GAS7: variants seen among roughly 807,000 people sequenced by gnomAD.
GAS7 encodes growth arrest specific 7.
In GAS7, 28 loss-of-function variants were observed where a neutral mutation model predicts 71.1. The observed-to-expected ratio is 0.39, with a 90% CI of 0.29 to 0.54. The LOEUF (loss-of-function observed/expected upper bound fraction) is 0.54, where lower values mean the gene tolerates loss of function less well. Among genes scored for constraint, GAS7 ranks in the 20% least tolerant of loss-of-function variants. The pLI is 0.62. For missense variants in GAS7, 436 were observed against 627.8 expected, an observed-to-expected ratio of 0.69 and a Z score of 3.27; for synonymous variants, 258 against 245.8, an observed-to-expected ratio of 1.05 and a Z score of -0.46.
chr17:9,932,075 G>A (rs143482685), intron 9 of GAS7, among the ~76,000 whole-genome samples: 1 of 152,238 alleles, frequency 6.6e-6, no homozygotes, highest in African/African-American at 2.4e-5. Flanking sequence ...TTTAAAGAAG[G>A]GAGACTCAGC....
intron 1 of GAS7, among the ~76,000 whole-genome samples, chr17:10,194,097 T>A (rs1226699221): frequency 6.6e-6 from 1 of 152,124 alleles, no homozygotes; most frequent in Non-Finnish European, 1.5e-5. Flanking sequence ...CAGCAGCCAT[T>A]CTAGTTGTGC....
At chr17:10,065,332 T>C (rs1282555839) in intron 1 of GAS7, among the ~76,000 whole-genome samples, 1 of 152,206 alleles carries the variant, frequency 6.6e-6, no homozygotes, top group East Asian at 1.9e-4. Context: ...CTTGGTGTCT[T>C]AAAGCAACAG....
intron 2 of GAS7, among the ~76,000 whole-genome samples, chr17:9,986,883 A>AGCCAG (rs1344532488): frequency 6.6e-6 from 1 of 152,162 alleles, no homozygotes; most frequent in Non-Finnish European, 1.5e-5. Context: ...GATGGTGCTG[A>AGCCAG]GCCAGGCCAG....
chr17:10,009,963 T>A (rs2071703004), intron 2 of GAS7, among the ~76,000 whole-genome samples: 1 of 152,134 alleles, frequency 6.6e-6, no homozygotes, highest in African/African-American at 2.4e-5. Context: ...GTTATTCTCA[T>A]TCCAACTTAA....
chr17:10,025,486 G>A (rs959570991), intron 1 of GAS7, among the ~76,000 whole-genome samples: 4 of 151,484 alleles, frequency 2.6e-5, no homozygotes, highest in African/African-American at 4.9e-5. Flanking sequence ...AGGCCGTCAC[G>A]TTCCCTAGCT....
intron 1 of GAS7, among the ~76,000 whole-genome samples, chr17:10,111,876 A>C (rs888512047): frequency 4.6e-5 from 7 of 152,138 alleles, no homozygotes. Context: ...GGAAACCTAG[A>C]CCAGATACAC....
intron 1 of GAS7, among the ~76,000 whole-genome samples, chr17:10,072,597 G>A (rs144917085): frequency 0.025 from 3,871 of 152,262 alleles, 97 homozygotes; most frequent in Non-Finnish European, 0.035. Flanking sequence ...TATGCTTTCT[G>A]TAAAACCCTA....
In GAS7 at chr17:10,103,043, T is replaced by C. The variant is rs368681493; in HGVS notation, c.184-83146A>G. 5.2e-4 allele frequency among the ~76,000 whole-genome samples: 79 copies of C among 152,260 alleles called. 2 individuals are homozygous for C. In the South Asian group the frequency reaches 0.015, roughly 29 times the overall value. On this transcript the variant is annotated intron_variant, in intron 1 of 13. Coordinates refer to ENST00000432992, the MANE Select transcript of GAS7 (RefSeq NM_201433.2). This position sits in a 1 kb window ranked among gnomAD's most constrained non-coding sequence, Gnocchi z 5.5. Reference sequence around the variant, plus strand: ...CTGTCGCCTAGAAGCTTGTTAGAAATGCAGAATCTGCATTTTAACAAACCC... The same window carrying C: ...CTGTCGCCTAGAAGCTTGTTAGAAACGCAGAATCTGCATTTTAACAAACCC...
intron 10 of GAS7, 117 bp from the exon 11 acceptor site, chr17:9,925,716 C>A: frequency 9.1e-7 from 1 of 1,103,992 alleles, no homozygotes; most frequent in Admixed American, 2.0e-5. Flanking sequence ...GTGGATGATG[C>A]CACAGTGGTC....
chr17:9,912,183 A>G lies in GAS7; in HGVS notation c.*5045T>C, dbSNP rs1377714552. On this transcript the variant is annotated 3_prime_UTR_variant, in exon 14 of 14. Coordinates refer to ENST00000432992, the MANE Select transcript of GAS7 (RefSeq NM_201433.2). ...ATTCTTAACAGCTCATAAAACTCTT[A>G]ATTTTAGCTCCATTTGAATCTAAAT... The G allele has an allele frequency of 4.3e-6, 1 of 232,542 alleles. No individual in the cohort carries two copies. 14.4% of individuals were successfully genotyped at this position (232,542 alleles called of 1,614,324 possible).
rs59454754 is a variant in GAS7, at chr17:9,996,566, TAAA to T, written c.305-14685_305-14683del. The stretch of plus-strand genomic sequence containing the variant: ...GTACCCTAAAACTTAAAGTATAATT[TAAA>T]AAAAAAAAAAAGACTATATATATAT... On this transcript the variant is annotated intron_variant, in intron 2 of 13. Coordinates refer to ENST00000432992, the MANE Select transcript of GAS7 (RefSeq NM_201433.2). Among the ~76,000 whole-genome samples the T allele has an allele frequency of 5.0e-5, 7 of 139,372 alleles. No homozygotes were observed. In the East Asian group the frequency reaches 6.3e-4, roughly 12 times the overall value. The allele number at this position is 139,372 out of a possible 152,430, so 91.4% of individuals were successfully genotyped here. A position where few individuals can be genotyped will look rare whatever the true frequency, so the allele number is the denominator to read the frequency against.
Position 9,926,632 on chromosome 17 carries a change from G to A in GAS7, c.1014+9C>T, listed in dbSNP as rs201172104. On this transcript the variant is annotated intron_variant, in intron 10 of 13. Transcript: ENST00000432992. The surrounding 1 kb of genome is among the most constrained non-coding windows in gnomAD (Gnocchi z 5.0). ...CACCTGCCCTGGCCCAGCGTCCTGG[G>A]CCTCTCACCTTCTCCACCGAGGCAT... The A allele has an allele frequency of 5.6e-6, 9 of 1,612,636 alleles. No homozygotes were observed. Among genetic ancestry groups the A allele is most frequent in the Non-Finnish European group, 6.8e-6 (8 of 1,179,988 alleles).
At position 9,925,599 on chromosome 17, in the gene GAS7, C is replaced by A. The variant is rs1295889650; in HGVS notation, c.1015G>T (p.Ala339Ser). 4.3e-6 allele frequency: 7 copies of A among 1,613,982 alleles called. No homozygotes were observed. Among genetic ancestry groups the A allele is most frequent in the Non-Finnish European group, 5.9e-6 (7 of 1,179,998 alleles). Residue 339 changes from alanine (A) to serine (S), a missense_variant and splice_region_variant, in exon 11 of 14, where the codon GCC becomes TCC. Physicochemically the swap from Ala to Ser is moderately conservative, Grantham distance 99. Transcript: ENST00000432992. ...LASRYASVEKARKALTERQRD... is the reference protein window; with the variant it reads ...LASRYASVEKSRKALTERQRD... ...TGCCGCTCTGTGAGGGCTTTCCGGG[C>A]CTGGGGTCCAAGGACACGGAGAAGC...
intron 1 of GAS7, among the ~76,000 whole-genome samples, chr17:10,144,691 G>A (rs1221786289): frequency 6.6e-6 from 1 of 152,066 alleles, no homozygotes; most frequent in Non-Finnish European, 1.5e-5. Flanking sequence ...CCACAGGCAT[G>A]CACCAGCATG....
intron 1 of GAS7, among the ~76,000 whole-genome samples, chr17:10,112,761 A>AAAAGAAAGAAAGAAAAAG (rs1597799234): frequency 2.6e-5 from 4 of 151,836 alleles, no homozygotes; most frequent in South Asian, 2.1e-4. Flanking sequence ...AAGAAAAGAA[A>AAAAGAAAGAAAGAAAAAG]AAAGAAAGAA....
At chr17:10,122,079 G>A (rs2073909007) in intron 1 of GAS7, among the ~76,000 whole-genome samples, 1 of 152,118 alleles carries the variant, frequency 6.6e-6, no homozygotes. Flanking sequence ...AATAGCATCA[G>A]CACCATCATC....
chr17:10,005,326 T>TACACAC (rs543450625), intron 2 of GAS7, among the ~76,000 whole-genome samples: 4,922 of 150,222 alleles, frequency 0.033, 114 homozygotes, highest in East Asian at 0.064. Context: ...CACATATATA[T>TACACAC]ATACACACAC....
At chr17:10,095,019 C>T (rs780357230) in intron 1 of GAS7, among the ~76,000 whole-genome samples, 13 of 152,120 alleles carry the variant, frequency 8.5e-5, no homozygotes, top group Non-Finnish European at 1.6e-4. Flanking sequence ...AATCTTTCCA[C>T]GCGGCCTTTA....
intron 1 of GAS7, among the ~76,000 whole-genome samples, chr17:10,068,375 C>A (rs1211430997): frequency 6.6e-6 from 1 of 152,152 alleles, no homozygotes; most frequent in African/African-American, 2.4e-5. Context: ...AAAACAGAGG[C>A]AGGCTATGCT....
Sources: gnomAD v4.1 joint callset for allele counts (sites outside exome capture counted in the v4.1 genomes callset) on GRCh38, gnomAD v4.1.1 for gene constraint, Gnocchi (gnomAD v3.1) non-coding constraint, MANE v1.5 for transcripts, NCBI Gene and HGNC (gene_info 2026-07-23, HGNC 2026-07-21) for gene names.